Variants in THSD4 observed in about 807,000 individuals in gnomAD.
THSD4 encodes the protein thrombospondin type 1 domain containing 4, also known as thrombospondin type-1 domain-containing protein 4.
In THSD4, 69 loss-of-function variants were observed where a neutral mutation model predicts 119.0. The ratio of observed to expected loss-of-function variants is 0.58; its 90% CI spans 0.48 to 0.71. The LOEUF (loss-of-function observed/expected upper bound fraction) is 0.71, where lower values mean the gene tolerates loss of function less well. THSD4 is among the 30% of genes least tolerant of loss of function. THSD4 has a pLI of 0.00. For synonymous variants in THSD4, 524 were observed against 540.4 expected (o/e 0.97, Z 0.42); for missense variants, 1,393 against 1,391.1 (o/e 1.00, Z -0.02).
chr15:71,503,121 G>A (rs760274724), intron 7 of THSD4, among the ~76,000 whole-genome samples: 11 of 152,204 alleles, frequency 7.2e-5, no homozygotes, highest in Non-Finnish European at 1.6e-4. Flanking sequence ...GGATGGCAGA[G>A]AAGCCCTCTC....
chr15:71,738,055 G>T, intron 11 of THSD4, 48 bp downstream of exon 11: 1 of 1,601,788 alleles, frequency 6.2e-7, no homozygotes, highest in Non-Finnish European at 8.5e-7. Context: ...CCCTAAGCAA[G>T]GAGTGTGTGG....
intron 4 of THSD4, among the ~76,000 whole-genome samples, chr15:71,239,002 G>T (rs2044130022): frequency 6.6e-6 from 1 of 152,142 alleles, no homozygotes; most frequent in African/African-American, 2.4e-5. Flanking sequence ...AAATGGTCAT[G>T]CTCTCATTTT....
chr15:71,307,706 T>G (rs149257260), intron 6 of THSD4, among the ~76,000 whole-genome samples: 4,965 of 152,252 alleles, frequency 0.033, 281 homozygotes, highest in African/African-American at 0.11. Context: ...AGGTGGAGGT[T>G]GCAGTGAGCT....
intron 7 of THSD4, among the ~76,000 whole-genome samples, chr15:71,510,902 G>A (rs2048272785): frequency 6.6e-6 from 1 of 152,186 alleles, no homozygotes; most frequent in African/African-American, 2.4e-5. Context: ...TATATAAGAG[G>A]ATGGGTGAGC....
chr15:71,297,320 T>TTTTTTTTG lies in THSD4; in HGVS notation c.1015+40608_1015+40609insTTTTGTTT, dbSNP rs111707595. ...AAGTCCTTTGCTCTCCTCTTCTTTT[T>TTTTTTTTG]TTTGTTTGTTTGTTTGTTTGTTTGT... On this transcript the variant is annotated intron_variant, in intron 6 of 17. Transcript: ENST00000261862. Among the ~76,000 whole-genome samples, 280 of 148,084 alleles carry TTTTTTTTG rather than the reference T, an allele frequency of 1.9e-3. 1 individual carries two copies. The highest frequency in any genetic ancestry group is 9.1e-3 in the East Asian group (46 of 5,080).
intron 7 of THSD4, among the ~76,000 whole-genome samples, chr15:71,605,414 G>T (rs1439878794): frequency 6.6e-6 from 1 of 152,242 alleles, no homozygotes; most frequent in East Asian, 1.9e-4. Context: ...TTCACCCAGA[G>T]CTCTGGCTCT....
At chr15:71,482,492 G>A (rs1238867178) in intron 7 of THSD4, among the ~76,000 whole-genome samples, 1 of 151,906 alleles carries the variant, frequency 6.6e-6, no homozygotes, top group African/African-American at 2.4e-5. Flanking sequence ...GTGTTTCACT[G>A]TGTTAGCCAG....
At chr15:71,527,022 G>A (rs544350327) in intron 7 of THSD4, among the ~76,000 whole-genome samples, 4 of 152,270 alleles carry the variant, frequency 2.6e-5, no homozygotes, top group South Asian at 2.1e-4. Flanking sequence ...GTATTAAGAC[G>A]TGGGTCCTTT....
At chr15:71,753,922 G>A (rs1273358984) in intron 14 of THSD4, among the ~76,000 whole-genome samples, 1 of 152,082 alleles carries the variant, frequency 6.6e-6, no homozygotes, top group East Asian at 1.9e-4. Context: ...TTTAAATTAG[G>A]TATATGGGGA....
Position 71,346,868 on chromosome 15 carries a change from CTTTTTTTTT to C in THSD4, c.1016-64804_1016-64796del, listed in dbSNP as rs71154763. On this transcript the variant is annotated intron_variant, in intron 6 of 17. Transcript: ENST00000261862. ...ACATCATAAGTTTCATTTTCATTTTCTTTTTTTTTTTTTTTTTTTTTTTGAGACGGAGTC... is the reference window on the plus strand; with the variant it reads ...ACATCATAAGTTTCATTTTCATTTTCTTTTTTTTTTTTTTGAGACGGAGTC... Among the ~76,000 whole-genome samples, 115 of 86,020 alleles carry C rather than the reference CTTTTTTTTT, an allele frequency of 1.3e-3. 1 individual carries two copies. The South Asian group carries it at 0.05, about 38-fold the overall frequency. 56.4% of individuals were successfully genotyped at this position (86,020 alleles called of 152,430 possible).
At chr15:71,596,367 C>CT (rs111243818) in intron 7 of THSD4, among the ~76,000 whole-genome samples, 4 of 151,890 alleles carry the variant, frequency 2.6e-5, no homozygotes, top group Admixed American at 6.6e-5. Flanking sequence ...ATCCAAAGGC[C>CT]TTTTTTTTAT....
chr15:71,396,152 A>G (rs1039548821), intron 6 of THSD4, among the ~76,000 whole-genome samples: 1 of 152,156 alleles, frequency 6.6e-6, no homozygotes. Context: ...ACATGTATAC[A>G]TACATGTAGA....
At chr15:71,117,584 T>C (rs946351747) in intron 1 of THSD4, among the ~76,000 whole-genome samples, 5 of 152,168 alleles carry the variant, frequency 3.3e-5, no homozygotes, top group African/African-American at 1.2e-4. Context: ...TATTTACCTG[T>C]CTCCATTCCC....
intron 7 of THSD4, among the ~76,000 whole-genome samples, chr15:71,546,182 C>T (rs981735298): frequency 2.0e-5 from 3 of 152,096 alleles, no homozygotes; most frequent in Non-Finnish European, 4.4e-5. Flanking sequence ...CAGAGACACA[C>T]ATGAAGAGTT....
At chr15:71,171,482 T>G (rs1271809147) in intron 3 of THSD4, among the ~76,000 whole-genome samples, 1 of 152,152 alleles carries the variant, frequency 6.6e-6, no homozygotes, top group East Asian at 1.9e-4. Flanking sequence ...GACATACAAA[T>G]GCTACACTAC....
intron 7 of THSD4, among the ~76,000 whole-genome samples, chr15:71,628,765 C>A (rs951552885): frequency 6.6e-6 from 1 of 152,164 alleles, no homozygotes; most frequent in African/African-American, 2.4e-5. Flanking sequence ...GTGACTCTTC[C>A]CCAGGTGAGA....
At chr15:71,699,705 G>C (rs376282166) in intron 8 of THSD4, among the ~76,000 whole-genome samples, 72 of 152,114 alleles carry the variant, frequency 4.7e-4, no homozygotes, top group Non-Finnish European at 7.1e-4. Flanking sequence ...TGATGGAATG[G>C]GTTTTCTATA....
At chr15:71,172,042 A>G (rs895208308) in intron 3 of THSD4, 1 of 152,162 alleles carries the variant, frequency 6.6e-6, no homozygotes, top group African/African-American at 2.4e-5. Flanking sequence ...ATAAAATGGA[A>G]TCCTAAAAAT....
chr15:71,662,998 C>T lies in THSD4; in HGVS notation c.1357+2264C>T, dbSNP rs2051340395. On this transcript the variant is annotated intron_variant, in intron 8 of 17. Transcript: ENST00000261862. ...GCAGGGAGGTTCATGTCTGTAAGCC[C>T]AGCGCTGTGGGAGGCCAAGGCAGGA... 3.3e-5 allele frequency among the ~76,000 whole-genome samples: 5 copies of T among 152,024 alleles called. No individual in the cohort carries two copies. The South Asian group carries it at 1.0e-3, about 32-fold the overall frequency.
Sources: allele counts gnomAD v4.1 joint callset (sites outside exome capture counted in the v4.1 genomes callset), GRCh38; gene constraint gnomAD v4.1.1; transcripts MANE v1.5; gene names NCBI Gene and HGNC (gene_info 2026-07-23, HGNC 2026-07-21).